Variants in TEK observed in about 807,000 individuals in gnomAD.
The protein encoded by TEK is TEK receptor tyrosine kinase.
TEK carries 43 observed loss-of-function variants against 131.8 expected under a neutral mutation model. The ratio of observed to expected loss-of-function variants is 0.33; its 90% CI spans 0.26 to 0.42. The LOEUF is 0.42. Ranked by LOEUF, TEK falls within the 10% of genes least tolerant of loss-of-function variation. The probability of loss-of-function intolerance (pLI) is 1.00; values close to 1 mark genes in which losing one functional copy is unlikely to be tolerated. For missense variants in TEK, 1,162 were observed against 1,384.4 expected, an observed-to-expected ratio of 0.84 and a Z score of 2.55; for synonymous variants, 580 against 491.6, an observed-to-expected ratio of 1.18 and a Z score of -2.38.
intron 1 of TEK, among the ~76,000 whole-genome samples, chr9:27,140,341 T>C (rs1564055341): frequency 6.6e-6 from 1 of 150,416 alleles, no homozygotes. Flanking sequence ...CCACTTTATC[T>C]GGTTCTCACC....
chr9:27,109,512 A>C lies in TEK; in HGVS notation c.-79A>C, dbSNP rs1190209056. 21 of 1,509,772 alleles carry C rather than the reference A, an allele frequency of 1.4e-5. No individual in the cohort carries two copies. Among genetic ancestry groups the C allele is most frequent in the Non-Finnish European group, 1.8e-5 (19 of 1,085,022 alleles). The allele number at this position is 1,509,772 out of a possible 1,614,324, so 93.5% of individuals were successfully genotyped here. On this transcript the variant is annotated 5_prime_UTR_variant, in exon 1 of 23. Coordinates refer to ENST00000380036, the MANE Select transcript of TEK (RefSeq NM_000459.5). ...AGTAGGACGATGCTAATGGAAAGTC[A>C]CAAACCGCTGGGTTTTTGAAAGGAT...
rs1340412768 is a variant in TEK at position 27,213,459 on chromosome 9, T to A, written c.2878-25T>A. 2.5e-6 allele frequency: 4 copies of A among 1,571,388 alleles called. No individual in the cohort carries two copies. The East Asian group carries it at 9.0e-5, about 35-fold the overall frequency. On this transcript the variant is annotated intron_variant, in intron 17 of 22. Transcript: ENST00000380036. Reference sequence around the variant, plus strand: ...CCTGGGGCTTTCATTAGGCTGAAAATACATAATGTTTTCAAAAATTTCAGT... The same window carrying A: ...CCTGGGGCTTTCATTAGGCTGAAAAAACATAATGTTTTCAAAAATTTCAGT...
chr9:27,135,720 A>G (rs62544595), intron 1 of TEK, among the ~76,000 whole-genome samples: 4,945 of 151,226 alleles, frequency 0.033, 137 homozygotes, highest in Middle Eastern at 0.071. Flanking sequence ...CAAACCCAGG[A>G]TGGCTTGAAT....
chr9:27,154,261 C>T (rs1330944535), intron 1 of TEK, among the ~76,000 whole-genome samples: 1 of 152,150 alleles, frequency 6.6e-6, no homozygotes, highest in Non-Finnish European at 1.5e-5. Context: ...TGGCTTGCTG[C>T]ACCCATCAAC....
intron 21 of TEK, among the ~76,000 whole-genome samples, chr9:27,225,043 C>CT (rs1162296105): frequency 6.6e-6 from 1 of 152,184 alleles, no homozygotes; most frequent in East Asian, 1.9e-4. Flanking sequence ...AGGAATCCAA[C>CT]TTACAAGGGA....
At chr9:27,218,427 G>A (rs1001394700) in intron 19 of TEK, among the ~76,000 whole-genome samples, 1 of 152,108 alleles carries the variant, frequency 6.6e-6, no homozygotes, top group African/African-American at 2.4e-5. Context: ...GGTCCCAAGA[G>A]GTTCAGCAAC....
chr9:27,176,822 C>G (rs924711503), intron 6 of TEK, among the ~76,000 whole-genome samples: 7 of 152,182 alleles, frequency 4.6e-5, no homozygotes, highest in Non-Finnish European at 5.9e-5. Flanking sequence ...AAAGTTTTTG[C>G]CCTTTGACCA....
chr9:27,114,991 A>G (rs1192543213), intron 1 of TEK, among the ~76,000 whole-genome samples: 1 of 152,238 alleles, frequency 6.6e-6, no homozygotes, highest in Non-Finnish European at 1.5e-5. Flanking sequence ...CCTGGAAACT[A>G]GGAATATAAA....
At position 27,163,786 on chromosome 9, in the gene TEK, A is replaced by G. The variant is rs530143144; in HGVS notation, c.365-4709A>G. 8.5e-5 allele frequency among the ~76,000 whole-genome samples: 13 copies of G among 152,350 alleles called. No homozygotes were observed. The South Asian group carries it at 2.5e-3, about 29-fold the overall frequency. On this transcript the variant is annotated intron_variant, in intron 2 of 22. Transcript: ENST00000380036. ...TGTGGTGAAATTGCACAAAATAATC[A>G]CAGATATGAAACTACATTATTTCCT...
At chr9:27,120,092 T>A (rs1244277109) in intron 1 of TEK, among the ~76,000 whole-genome samples, 1 of 152,252 alleles carries the variant, frequency 6.6e-6, no homozygotes, top group Non-Finnish European at 1.5e-5. Context: ...TAATCATTGC[T>A]ACCACTTCAG....
chr9:27,164,692 G>C (rs1445635188), intron 2 of TEK, among the ~76,000 whole-genome samples: 3 of 152,052 alleles, frequency 2.0e-5, no homozygotes, highest in Non-Finnish European at 4.4e-5. Context: ...ACCATACCTA[G>C]CTAATTTTTA....
intron 21 of TEK, among the ~76,000 whole-genome samples, chr9:27,223,854 A>AAAT (rs1416997172): frequency 6.6e-6 from 1 of 152,088 alleles, no homozygotes; most frequent in Non-Finnish European, 1.5e-5. Context: ...AAAGATAACA[A>AAAT]AATAGACTGC....
At chr9:27,140,227 C>A (rs1822671741) in intron 1 of TEK, among the ~76,000 whole-genome samples, 1 of 149,414 alleles carries the variant, frequency 6.7e-6, no homozygotes, top group Admixed American at 6.6e-5. Context: ...TGCCCTTTCA[C>A]TTCATATGCC....
rs1283222681 is a variant in TEK, at chr9:27,183,526, T to C, written c.1098T>C (p.Phe366=). The C allele has an allele frequency of 8.7e-6, 14 of 1,613,812 alleles. No individual in the cohort carries two copies. Among genetic ancestry groups the C allele is most frequent in the Admixed American group, 3.3e-5 (2 of 59,978 alleles). The change falls in exon 8 of 23, where the codon TTT becomes TTC. Residue 366 remains phenylalanine, a synonymous_variant. Coordinates refer to ENST00000380036, the MANE Select transcript of TEK (RefSeq NM_000459.5). The part of the protein sequence containing the change: ...PDHIEVNSGK[F]NPICKASGWP... ...ATATAGAAGTAAACAGTGGTAAATT[T>C]AATCCCATTTGCAAAGCTTCTGGCT...
At chr9:27,112,222 C>T (rs1367298689) in intron 1 of TEK, among the ~76,000 whole-genome samples, 1 of 152,068 alleles carries the variant, frequency 6.6e-6, no homozygotes, top group Non-Finnish European at 1.5e-5. Flanking sequence ...TTTTAAATAA[C>T]AACTGGATTC....
Position 27,199,030 on chromosome 9 carries a change from G to A in TEK, c.1909+1431G>A, listed in dbSNP as rs150491006. Reference sequence around the variant, plus strand: ...GCCCAGGCTGGTCTGGAACTCCTGGGCTCAAGCAATCCTCCCGCCTTCGCC... The same window carrying A: ...GCCCAGGCTGGTCTGGAACTCCTGGACTCAAGCAATCCTCCCGCCTTCGCC... On this transcript the variant is annotated intron_variant, in intron 12 of 22. Transcript: ENST00000380036. 9.5e-3 allele frequency among the ~76,000 whole-genome samples: 1,447 copies of A among 152,212 alleles called. 11 individuals carry two copies. The highest frequency in any genetic ancestry group is 0.013 in the Non-Finnish European group (900 of 68,006).
intron 6 of TEK, among the ~76,000 whole-genome samples, chr9:27,173,655 G>A (rs1206524496): frequency 6.6e-6 from 1 of 151,780 alleles, no homozygotes; most frequent in Non-Finnish European, 1.5e-5. Context: ...TTTCTAACAG[G>A]CTCCCAAGTA....
intron 1 of TEK, among the ~76,000 whole-genome samples, chr9:27,137,876 G>A (rs1719095674): frequency 6.6e-6 from 1 of 152,050 alleles, no homozygotes; most frequent in African/African-American, 2.4e-5. Context: ...GTGGGTTCTT[G>A]GTCTCACTGT....
At chr9:27,117,816 G>C (rs1026747669) in intron 1 of TEK, among the ~76,000 whole-genome samples, 4 of 152,166 alleles carry the variant, frequency 2.6e-5, no homozygotes, top group Non-Finnish European at 5.9e-5. Flanking sequence ...AGGTGTATGT[G>C]CTGGTCACAC....
Sources: gnomAD v4.1 joint callset for allele counts (sites outside exome capture counted in the v4.1 genomes callset) on GRCh38, gnomAD v4.1.1 for gene constraint, MANE v1.5 for transcripts, NCBI Gene and HGNC (gene_info 2026-07-23, HGNC 2026-07-21) for gene names.